The following DCAF17 variants were observed in gnomAD, a reference collection of about 807,000 sequenced individuals.
DCAF17 encodes the protein DDB1 and CUL4 associated factor 17.
DCAF17 carries 48 observed loss-of-function variants against 66.0 expected under a neutral mutation model. The ratio of observed to expected loss-of-function variants is 0.73; its 90% CI spans 0.58 to 0.92. DCAF17 has a LOEUF of 0.92. DCAF17 is among the 40% of genes least tolerant of loss of function. The pLI, the probability that DCAF17 is intolerant of heterozygous loss-of-function variation, is 0.00. For missense variants in DCAF17, 562 were observed against 622.8 expected (o/e 0.90, Z 1.04); for synonymous variants, 206 against 214.6 (o/e 0.96, Z 0.35).
At chr2:171,449,486 T>A (rs1331905627) in intron 4 of DCAF17, among the ~76,000 whole-genome samples, 2 of 152,252 alleles carry the variant, frequency 1.3e-5, no homozygotes, top group Non-Finnish European at 1.5e-5. Flanking sequence ...ATCCAAGAAC[T>A]GTTATTTTAA....
In DCAF17 at chr2:171,482,618, T is replaced by TC; in HGVS notation, c.*1506dup. 1 of 454,076 alleles carries TC rather than the reference T, an allele frequency of 2.2e-6. No homozygotes were observed. The highest frequency in any genetic ancestry group is 4.4e-6 in the Non-Finnish European group (1 of 226,784). 28.1% of individuals were successfully genotyped at this position (454,076 alleles called of 1,614,324 possible). A position where few individuals can be genotyped will look rare whatever the true frequency, so the allele number is the denominator to read the frequency against. On this transcript the variant is annotated 3_prime_UTR_variant, in exon 14 of 14. Transcript: ENST00000375255. ...AAAAGTAGAGTGTTCATTCTCCATT[T>TC]CCAAGAGTGTTTCAGAATAGGATGT...
Position 171,458,476 on chromosome 2 carries a change from A to G in DCAF17, c.837A>G (p.Thr279=). ...GCATTCCTTGTAATATTAAAATCACAGGTATGGCTACTCTATAGTATTTTT... is the reference window on the plus strand; with the variant it reads ...GCATTCCTTGTAATATTAAAATCACGGGTATGGCTACTCTATAGTATTTTT... ...PFGIPCNIKI[T]DMPPLLFEVS... Residue 279 remains threonine (T), a splice_region_variant and synonymous_variant, in exon 8 of 14, where the codon ACA becomes ACG. Transcript: ENST00000375255. 3 of 1,606,466 alleles carry G rather than the reference A, an allele frequency of 1.9e-6. No homozygotes were observed. The highest frequency in any genetic ancestry group is 1.7e-6 in the Non-Finnish European group (2 of 1,173,124).
intron 2 of DCAF17, among the ~76,000 whole-genome samples, chr2:171,435,781 T>TA (rs1312267861): frequency 6.6e-6 from 1 of 152,198 alleles, no homozygotes; most frequent in Non-Finnish European, 1.5e-5. Context: ...ATTCTAAACA[T>TA]ACATCAGTTT....
chr2:171,450,924 C>T (rs540255807), intron 5 of DCAF17, among the ~76,000 whole-genome samples: 84 of 152,192 alleles, frequency 5.5e-4, no homozygotes, highest in Non-Finnish European at 9.6e-4. Context: ...GTAACCTTGG[C>T]TCAAACTCAG....
chr2:171,455,966 T>C (rs1452919618), intron 6 of DCAF17, among the ~76,000 whole-genome samples: 1 of 152,168 alleles, frequency 6.6e-6, no homozygotes, highest in Non-Finnish European at 1.5e-5. Context: ...GTAGGATGTC[T>C]GTTGACTCTG....
rs1160907293 is a variant in DCAF17 at position 171,483,523 on chromosome 2, G to A, written c.*2409G>A. 1 of 453,936 alleles carries A rather than the reference G, an allele frequency of 2.2e-6. No individual in the cohort carries two copies. Among genetic ancestry groups the A allele is most frequent in the African/African-American group, 2.0e-5 (1 of 49,972 alleles). 28.1% of individuals were successfully genotyped at this position (453,936 alleles called of 1,614,324 possible). On this transcript the variant is annotated 3_prime_UTR_variant, in exon 14 of 14. Coordinates refer to ENST00000375255, the MANE Select transcript of DCAF17 (RefSeq NM_025000.4). ...TTTACAATATTTATCACAACTCTGG[G>A]AGAAAACAAAACAAATCCTATCCTA...
At chr2:171,465,884 T>C (rs1695868673) in intron 8 of DCAF17, among the ~76,000 whole-genome samples, 2 of 152,224 alleles carry the variant, frequency 1.3e-5, no homozygotes, top group Non-Finnish European at 2.9e-5. Flanking sequence ...TGGTTTATCT[T>C]ACTATTGTTT....
intron 6 of DCAF17, among the ~76,000 whole-genome samples, chr2:171,454,387 C>G (rs964197326): frequency 1.3e-5 from 2 of 150,942 alleles, no homozygotes; most frequent in Non-Finnish European, 2.9e-5. Flanking sequence ...TGGGTTCAAA[C>G]AATTCTTCTG....
At chr2:171,465,188 A>G (rs1695825152) in intron 8 of DCAF17, among the ~76,000 whole-genome samples, 1 of 151,030 alleles carries the variant, frequency 6.6e-6, no homozygotes, top group South Asian at 2.1e-4. Flanking sequence ...ACAGAGTGAA[A>G]CTCTGTCTCA....
chr2:171,463,567 G>C (rs1695725157), intron 8 of DCAF17, among the ~76,000 whole-genome samples: 1 of 152,170 alleles, frequency 6.6e-6, no homozygotes, highest in Non-Finnish European at 1.5e-5. Flanking sequence ...GTGGTTCTGT[G>C]TGTGTGCATC....
chr2:171,450,938 G>A (rs2105756217), intron 5 of DCAF17, among the ~76,000 whole-genome samples: 1 of 152,056 alleles, frequency 6.6e-6, no homozygotes, highest in African/African-American at 2.4e-5. Context: ...AACTCAGGCA[G>A]TTTAGCTCTA....
rs530170664 is a variant in DCAF17 at position 171,454,902 on chromosome 2, A to C, written c.627+1689A>C. On this transcript the variant is annotated intron_variant, in intron 6 of 13. Transcript: ENST00000375255. ...CATCTCAAAAAAAAAAAAAGTTTGA[A>C]TTGCACAAGTCCTCTTTTTCTTCTT... Among the ~76,000 whole-genome samples the C allele has an allele frequency of 2.0e-5, 3 of 151,818 alleles. No homozygotes were observed. The East Asian group carries it at 5.8e-4, about 29-fold the overall frequency.
Position 171,448,693 on chromosome 2 carries a change from C to T in DCAF17, c.334C>T (p.Pro112Ser). 6.3e-7 allele frequency: 1 copy of T among 1,590,172 alleles called. No individual in the cohort carries two copies. The highest frequency in any genetic ancestry group is 2.3e-5 in the East Asian group (1 of 44,420). Residue 112 changes from proline (P) to serine (S), a missense_variant, in exon 4 of 14, where the codon CCC (proline) becomes TCC (serine). Coordinates refer to ENST00000375255, the MANE Select transcript of DCAF17 (RefSeq NM_025000.4). Reference sequence around the variant, plus strand: ...TTTTTTTTTTTAGGGAGATATACTTCCCAATTCATCAGATTATAAGTCCTC... The same window carrying T: ...TTTTTTTTTTTAGGGAGATATACTTTCCAATTCATCAGATTATAAGTCCTC... The part of the protein sequence containing the change: ...LWECPVGDIL[P>S]NSSDYKSSLI...
intron 2 of DCAF17, among the ~76,000 whole-genome samples, chr2:171,439,866 T>C (rs1413336662): frequency 2.6e-5 from 4 of 152,104 alleles, no homozygotes; most frequent in Non-Finnish European, 4.4e-5. Context: ...AGGTGGAGGT[T>C]GCAGTGAGTT....
intron 10 of DCAF17, among the ~76,000 whole-genome samples, chr2:171,474,725 A>T (rs1431682760): frequency 6.6e-6 from 1 of 152,234 alleles, no homozygotes; most frequent in Non-Finnish European, 1.5e-5. Context: ...ATCAATGTAC[A>T]TACATTTAAA....
At chr2:171,448,316 A>G (rs1021460266) in intron 3 of DCAF17, among the ~76,000 whole-genome samples, 3 of 152,200 alleles carry the variant, frequency 2.0e-5, no homozygotes, top group African/African-American at 4.8e-5. Context: ...CTTAATCGCT[A>G]TGCTATATAC....
At chr2:171,442,870 G>A (rs1181339866) in intron 2 of DCAF17, among the ~76,000 whole-genome samples, 1 of 151,524 alleles carries the variant, frequency 6.6e-6, no homozygotes, top group Non-Finnish European at 1.5e-5. Flanking sequence ...GTGAGAAACT[G>A]TCTCAAAAAA....
intron 6 of DCAF17, among the ~76,000 whole-genome samples, chr2:171,456,850 A>T (rs898432926): frequency 6.6e-6 from 1 of 152,216 alleles, no homozygotes; most frequent in African/African-American, 2.4e-5. Context: ...GACTTTGCTG[A>T]TGTTGCTTAT....
rs1696846660 is a variant in DCAF17 at position 171,483,895 on chromosome 2, A to G, written c.*2781A>G. 4.4e-6 allele frequency: 2 copies of G among 453,984 alleles called. No individual in the cohort carries two copies. Among genetic ancestry groups the G allele is most frequent in the South Asian group, 1.6e-5 (1 of 64,478 alleles). 28.1% of individuals were successfully genotyped at this position (453,984 alleles called of 1,614,324 possible). On this transcript the variant is annotated 3_prime_UTR_variant, in exon 14 of 14. Coordinates refer to ENST00000375255, the MANE Select transcript of DCAF17 (RefSeq NM_025000.4). ...ATTTGTTCGGCATGAACTTGTGCCA[A>G]ATTTCCTCCAAAGTTCTCAAAAGGC... is the stretch of plus-strand genomic sequence containing the variant.
Sources: allele counts gnomAD v4.1 joint callset (sites outside exome capture counted in the v4.1 genomes callset), GRCh38; gene constraint gnomAD v4.1.1; transcripts MANE v1.5; gene names NCBI Gene and HGNC (gene_info 2026-07-23, HGNC 2026-07-21).